RBFOX1: variants seen among roughly 807,000 people sequenced by gnomAD.
RBFOX1 encodes the protein RNA binding fox-1 homolog 1, also known as RNA binding protein fox-1 homolog 1.
In RBFOX1, 8 loss-of-function variants were observed where a neutral mutation model predicts 57.7. The observed-to-expected ratio is 0.14, with a 90% CI of 0.08 to 0.25. RBFOX1 has a LOEUF of 0.25. Among genes scored for constraint, RBFOX1 ranks in the 10% least tolerant of loss-of-function variants. The pLI is 1.00. For synonymous variants in RBFOX1, 326 were observed against 222.4 expected (o/e 1.47, Z -4.15); for missense variants, 611 against 548.5 (o/e 1.11, Z -1.14).
At chr16:5,417,517 C>T (rs182464992) in intron 1 of RBFOX1, among the ~76,000 whole-genome samples, 1 of 143,900 alleles carries the variant, frequency 6.9e-6, no homozygotes, top group Non-Finnish European at 1.5e-5. Context: ...CCGTGTGTGG[C>T]TTCTGGACAA....
chr16:6,569,196 A>AAGTTATCTAATACTCTGTATT (rs1176379033), intron 2 of RBFOX1, among the ~76,000 whole-genome samples: 25 of 152,218 alleles, frequency 1.6e-4, no homozygotes, highest in African/African-American at 3.4e-4. Context: ...AGCAATGTAT[A>AAGTTATCTAATACTCTGTATT]AGTTATCTAA....
intron 2 of RBFOX1, among the ~76,000 whole-genome samples, chr16:6,474,712 G>A (rs1309673380): frequency 6.6e-6 from 1 of 152,158 alleles, no homozygotes; most frequent in African/African-American, 2.4e-5. Context: ...GTTCTCAGTG[G>A]TGAGATGAGT....
At chr16:7,510,227 G>T in intron 4 of RBFOX1, 1 of 985,908 alleles carries the variant, frequency 1.0e-6, no homozygotes, top group Non-Finnish European at 1.2e-6. Flanking sequence ...CGTAATTGAG[G>T]CGTGCTTGGG....
chr16:7,441,842 G>C (rs910647184), intron 4 of RBFOX1, among the ~76,000 whole-genome samples: 1 of 152,094 alleles, frequency 6.6e-6, no homozygotes, highest in Non-Finnish European at 1.5e-5. Context: ...CCTGCTTCAC[G>C]ATCCACTGGC....
intron 2 of RBFOX1, among the ~76,000 whole-genome samples, chr16:6,603,715 A>G (rs1051853192): frequency 2.6e-5 from 4 of 152,198 alleles, no homozygotes; most frequent in Non-Finnish European, 4.4e-5. Flanking sequence ...TCCCATGGGT[A>G]AGGACATCTG....
intron 1 of RBFOX1, among the ~76,000 whole-genome samples, chr16:6,099,076 T>C (rs537784009): frequency 3.9e-5 from 6 of 152,218 alleles, no homozygotes; most frequent in Non-Finnish European, 7.3e-5. Flanking sequence ...GAGTCTGTCA[T>C]GTTGTATGAG....
rs536692241 is a variant in RBFOX1 at position 5,956,709 on chromosome 16, C to T, written c.351+89374C>T. 2.3e-4 allele frequency among the ~76,000 whole-genome samples: 32 copies of T among 138,898 alleles called. 1 individual carries two copies. The highest frequency in any genetic ancestry group is 3.5e-4 in the Non-Finnish European group (23 of 66,308). The allele number at this position is 138,898 out of a possible 152,430, so 91.1% of individuals were successfully genotyped here. A position where few individuals can be genotyped will look rare whatever the true frequency, so the allele number is the denominator to read the frequency against. On this transcript the variant is annotated intron_variant, in intron 4 of 19. Coordinates refer to the RBFOX1 transcript ENST00000641259. ...TTTGAGGCACAGTCTCATCCTGTCA[C>T]CCAGGCTGGAGTGCACTGGCACAAT...
At chr16:7,359,049 A>C (rs147158935) in intron 4 of RBFOX1, among the ~76,000 whole-genome samples, 40 of 152,286 alleles carry the variant, frequency 2.6e-4, no homozygotes, top group African/African-American at 8.7e-4. Flanking sequence ...TTCAACCTTG[A>C]CTCACTTGGT....
chr16:5,590,046 T>TACACACAC lies in RBFOX1; in HGVS notation c.259-8832_259-8825dup, dbSNP rs148421648. ...TAGCGTTTCAGAGGAGTCTGCGTGT[T>TACACACAC]ACACACACACACACACACACACACA... On this transcript the variant is annotated intron_variant, in intron 2 of 2. Coordinates refer to the RBFOX1 transcript ENST00000585867. 7.0e-5 allele frequency among the ~76,000 whole-genome samples: 10 copies of TACACACAC among 142,984 alleles called. No individual in the cohort carries two copies. In the East Asian group the frequency reaches 8.6e-4, roughly 12 times the overall value. The allele number at this position is 142,984 out of a possible 152,430, so 93.8% of individuals were successfully genotyped here.
intron 4 of RBFOX1, among the ~76,000 whole-genome samples, chr16:7,443,975 C>G (rs964538850): frequency 1.3e-5 from 2 of 152,180 alleles, no homozygotes; most frequent in African/African-American, 4.8e-5. Context: ...ACATATTTAT[C>G]TTCAAGAGAA....
chr16:7,473,977 A>G (rs767427400), intron 4 of RBFOX1, among the ~76,000 whole-genome samples: 2 of 152,056 alleles, frequency 1.3e-5, no homozygotes, highest in African/African-American at 2.4e-5. Context: ...TTAAAAATCA[A>G]TATTATCTTT....
intron 1 of RBFOX1, among the ~76,000 whole-genome samples, chr16:6,049,244 A>G (rs2095527333): frequency 6.6e-6 from 1 of 151,588 alleles, no homozygotes. Flanking sequence ...TTGTATTTTT[A>G]GTAGAGATGG....
chr16:6,152,703 T>C (rs2096806112), intron 1 of RBFOX1, among the ~76,000 whole-genome samples: 1 of 144,112 alleles, frequency 6.9e-6, no homozygotes, highest in Admixed American at 7.0e-5. Context: ...ACATATGATA[T>C]GTGGAACACA....
rs561312601 is a variant in RBFOX1 at position 7,262,777 on chromosome 16, G to A, written c.27+210679G>A. 2.0e-5 allele frequency among the ~76,000 whole-genome samples: 3 copies of A among 152,396 alleles called. No individual in the cohort carries two copies. In the South Asian group the frequency reaches 6.2e-4, roughly 32 times the overall value. ...TGGCAGAAGAGTTACTGCAAAGGCAGTTGTAAGCTCAGGAATCCAATTCTT... is the reference window on the plus strand; with the variant it reads ...TGGCAGAAGAGTTACTGCAAAGGCAATTGTAAGCTCAGGAATCCAATTCTT... On this transcript the variant is annotated intron_variant, in intron 4 of 15. Coordinates refer to ENST00000550418, the MANE Select transcript of RBFOX1 (RefSeq NM_018723.4).
At chr16:7,164,973 C>CG (rs1261248741) in intron 4 of RBFOX1, among the ~76,000 whole-genome samples, 5 of 152,160 alleles carry the variant, frequency 3.3e-5, no homozygotes, top group African/African-American at 1.2e-4. Flanking sequence ...ATCACAGTAA[C>CG]CTCTCCCTGA....
intron 4 of RBFOX1, among the ~76,000 whole-genome samples, chr16:7,494,077 A>G (rs947684440): frequency 3.3e-5 from 5 of 152,304 alleles, no homozygotes; most frequent in African/African-American, 1.2e-4. Flanking sequence ...AGGCTTAAAC[A>G]GTATGTCATG....
chr16:7,464,342 C>T lies in RBFOX1; in HGVS notation c.28-53805C>T, dbSNP rs145707918. On this transcript the variant is annotated intron_variant, in intron 4 of 15. Transcript: ENST00000550418. ...TAAAATGATCACCATCGCAGGTGAA[C>T]GCTGACTCTTTTCCAAAGGAATATC... Among the ~76,000 whole-genome samples, 190 of 152,182 alleles carry T rather than the reference C, an allele frequency of 1.2e-3. 1 individual carries two copies. Among genetic ancestry groups the T allele is most frequent in the African/African-American group, 4.1e-3 (171 of 41,504 alleles).
intron 1 of RBFOX1, among the ~76,000 whole-genome samples, chr16:5,349,404 T>C (rs1222967501): frequency 6.6e-6 from 1 of 152,198 alleles, no homozygotes; most frequent in African/African-American, 2.4e-5. Flanking sequence ...CTGGGTACGG[T>C]GGCTCAAGCC....
chr16:5,778,217 C>T (rs1432012875), intron 3 of RBFOX1, among the ~76,000 whole-genome samples: 1 of 152,132 alleles, frequency 6.6e-6, no homozygotes, highest in African/African-American at 2.4e-5. Flanking sequence ...GTTACGGTGC[C>T]AGAATCATCC....
Sources: allele counts gnomAD v4.1 joint callset (sites outside exome capture counted in the v4.1 genomes callset), GRCh38; gene constraint gnomAD v4.1.1; transcripts MANE v1.5; gene names NCBI Gene and HGNC (gene_info 2026-07-23, HGNC 2026-07-21).